The following NDST4 variants were observed in gnomAD, a reference collection of about 807,000 sequenced individuals.
NDST4 encodes the protein N-heparan sulfate sulfotransferase 4.
NDST4 carries 63 observed loss-of-function variants against 100.8 expected under a neutral mutation model. The ratio of observed to expected loss-of-function variants is 0.62; its 90% confidence interval spans 0.51 to 0.77. The LOEUF (loss-of-function observed/expected upper bound fraction) is 0.77, where lower values mean the gene tolerates loss of function less well. Ranked by LOEUF, NDST4 falls within the 30% of genes least tolerant of loss-of-function variation. The pLI, the probability that NDST4 is intolerant of heterozygous loss-of-function variation, is 0.00. For missense variants in NDST4, 943 were observed against 1,018.4 expected, an observed-to-expected ratio of 0.93 and a Z score of 1.01; for synonymous variants, 377 against 361.8, an observed-to-expected ratio of 1.04 and a Z score of -0.48.
At chr4:115,100,317 T>C (rs1729705557) in intron 1 of NDST4, among the ~76,000 whole-genome samples, 1 of 152,096 alleles carries the variant, frequency 6.6e-6, no homozygotes, top group South Asian at 2.1e-4. Context: ...TGTGCCCTGA[T>C]GTAATCTGTG....
At chr4:114,852,895 G>A (rs1723708389) in intron 7 of NDST4, 74 bp from the exon 8 acceptor site, 1 of 1,053,972 alleles carries the variant, frequency 9.5e-7, no homozygotes, top group Non-Finnish European at 1.4e-6. Flanking sequence ...TTGTTCAAAA[G>A]ATGGAATCAA....
In NDST4 at chr4:114,911,702, G is replaced by A. The variant is rs566528882; in HGVS notation, c.1536+23504C>T. 1.7e-4 allele frequency among the ~76,000 whole-genome samples: 26 copies of A among 152,146 alleles called. 1 individual carries two copies. Among genetic ancestry groups the A allele is most frequent in the South Asian group, 8.3e-4 (4 of 4,812 alleles). On this transcript the variant is annotated intron_variant, in intron 6 of 13. Coordinates refer to ENST00000264363, the MANE Select transcript of NDST4 (RefSeq NM_022569.3). Reference sequence around the variant, plus strand: ...AGGAAGAAAATCATGAAAATATCGCGGGTATTGGGTATTTTTTCCTTTAAA... The same window carrying A: ...AGGAAGAAAATCATGAAAATATCGCAGGTATTGGGTATTTTTTCCTTTAAA...
intron 2 of NDST4, among the ~76,000 whole-genome samples, chr4:115,012,217 A>G (rs1727565271): frequency 6.6e-6 from 1 of 152,068 alleles, no homozygotes. Context: ...TAACCTAGAT[A>G]TCATACCTAT....
At chr4:114,935,483 G>A (rs1725609353) in intron 5 of NDST4, 149 bp from the exon 6 acceptor site, 4 of 635,688 alleles carry the variant, frequency 6.3e-6, no homozygotes, top group Non-Finnish European at 9.6e-6. Context: ...ACAAGTTGAT[G>A]TTGGTGCAAT....
chr4:115,020,657 CTATACATCTGAAAA>C (rs1377518926), intron 2 of NDST4, among the ~76,000 whole-genome samples: 1 of 151,946 alleles, frequency 6.6e-6, no homozygotes, highest in Non-Finnish European at 1.5e-5. Context: ...GTCTATACAT[CTATACATCTGAAAA>C]AGGACTAATA....
At position 115,057,002 on chromosome 4, in the gene NDST4, T is replaced by C. The variant is rs1728709162; in HGVS notation, c.978+19057A>G. 2.6e-5 allele frequency among the ~76,000 whole-genome samples: 4 copies of C among 152,202 alleles called. No homozygotes were observed. In the South Asian group the frequency reaches 8.3e-4, roughly 31 times the overall value. On this transcript the variant is annotated intron_variant, in intron 2 of 13. Coordinates refer to ENST00000264363, the MANE Select transcript of NDST4 (RefSeq NM_022569.3). ...TTCACTTTGTTGGATTTTTTCTTTC[T>C]ACTTCTCTTTCACACATTTCCCCAA... is the stretch of plus-strand genomic sequence containing the variant.
At chr4:115,059,396 A>G (rs1370515301) in intron 2 of NDST4, among the ~76,000 whole-genome samples, 1 of 152,062 alleles carries the variant, frequency 6.6e-6, no homozygotes, top group Admixed American at 6.6e-5. Flanking sequence ...CTTCATATGG[A>G]AAAGGGTTTC....
Position 114,870,907 on chromosome 4 carries a change from C to T in NDST4, c.1580G>A (p.Arg527His), listed in dbSNP as rs778684986. ...GTTCACAAAGGTATATAACCCTAGG[C>T]GGTCATTTCCATAGTTTGATAAATG... is the stretch of plus-strand genomic sequence containing the variant. ...MTHLSNYGND[R>H]LGLYTFVNLV... The change falls in exon 7 of 14, where the codon CGC becomes CAC. Residue 527 changes from arginine (R) to histidine (H), a missense_variant. Arg to His is a conservative substitution (Grantham distance 29). This residue lies in a region of NDST4 where 526 missense variants were observed against 634.1 expected (regional missense o/e 0.83). Coordinates refer to ENST00000264363, the MANE Select transcript of NDST4 (RefSeq NM_022569.3). 68 of 1,610,136 alleles carry T rather than the reference C, an allele frequency of 4.2e-5. No individual in the cohort carries two copies. Among genetic ancestry groups the T allele is most frequent in the African/African-American group, 9.4e-5 (7 of 74,548 alleles).
intron 3 of NDST4, among the ~76,000 whole-genome samples, chr4:114,975,430 T>A (rs1726610970): frequency 6.6e-6 from 1 of 152,136 alleles, no homozygotes; most frequent in African/African-American, 2.4e-5. Flanking sequence ...AAAGAGTCAA[T>A]AATGCCTGCT....
intron 6 of NDST4, among the ~76,000 whole-genome samples, chr4:114,912,499 G>C (rs1359708466): frequency 6.6e-6 from 1 of 152,178 alleles, no homozygotes; most frequent in Admixed American, 6.5e-5. Flanking sequence ...TTGTAGTACA[G>C]CTTGTCATGT....
chr4:114,883,900 C>T (rs1724424190), intron 6 of NDST4, among the ~76,000 whole-genome samples: 1 of 152,032 alleles, frequency 6.6e-6, no homozygotes, highest in Non-Finnish European at 1.5e-5. Context: ...CTAATGCCAC[C>T]GCTGATCTGA....
intron 1 of NDST4, among the ~76,000 whole-genome samples, chr4:115,082,408 C>A (rs942026441): frequency 6.6e-6 from 1 of 152,042 alleles, no homozygotes; most frequent in African/African-American, 2.4e-5. Context: ...AGTTAGTAAA[C>A]AAAGCAATTA....
rs114599425 is a variant in NDST4 at position 114,911,560 on chromosome 4, G to C, written c.1536+23646C>G. Among the ~76,000 whole-genome samples, 1,130 of 152,180 alleles carry C rather than the reference G, an allele frequency of 7.4e-3. 16 individuals are homozygous for C. Among genetic ancestry groups the C allele is most frequent in the African/African-American group, 0.025 (1,037 of 41,522 alleles). ...TGTCTCTGTACCTAGGGCCTACTTG[G>C]AAGAAAATCCATGCTCAGTAAAAAC... On this transcript the variant is annotated intron_variant, in intron 6 of 13. Transcript: ENST00000264363.
intron 2 of NDST4, among the ~76,000 whole-genome samples, chr4:115,022,082 C>T (rs185507942): frequency 3.3e-5 from 5 of 151,622 alleles, no homozygotes; most frequent in South Asian, 2.1e-4. Flanking sequence ...CGTCTATACA[C>T]GTTCCATATA....
intron 6 of NDST4, among the ~76,000 whole-genome samples, chr4:114,872,142 C>T (rs1383421823): frequency 1.3e-5 from 2 of 151,908 alleles, no homozygotes; most frequent in African/African-American, 2.4e-5. Context: ...AGATACTAGC[C>T]ATGCAATAAA....
intron 2 of NDST4, among the ~76,000 whole-genome samples, chr4:115,007,504 G>A (rs61521935): frequency 0.033 from 5,082 of 152,194 alleles, 293 homozygotes; most frequent in African/African-American, 0.12. Flanking sequence ...GATACATGTG[G>A]ATTAAGAAAG....
At chr4:115,079,797 A>G (rs539528284) in intron 1 of NDST4, among the ~76,000 whole-genome samples, 6 of 152,186 alleles carry the variant, frequency 3.9e-5, no homozygotes, top group Non-Finnish European at 8.8e-5. Flanking sequence ...ATAGTTAAAC[A>G]TTGCAAAATT....
chr4:115,056,709 G>GA (rs1234372725), intron 2 of NDST4, among the ~76,000 whole-genome samples: 4 of 152,068 alleles, frequency 2.6e-5, no homozygotes, highest in Admixed American at 1.3e-4. Flanking sequence ...GTCATGCTCA[G>GA]AAAAAAATAT....
intron 1 of NDST4, among the ~76,000 whole-genome samples, chr4:115,097,607 A>G: frequency 6.6e-6 from 1 of 152,228 alleles, no homozygotes; most frequent in South Asian, 2.1e-4. Flanking sequence ...TGGACTATTG[A>G]AATTTCTTTC....
Sources: gnomAD v4.1 joint callset for allele counts (sites outside exome capture counted in the v4.1 genomes callset) on GRCh38, gnomAD v4.1.1 for gene constraint, gnomAD v4.1.1 regional missense constraint, MANE v1.5 for transcripts, NCBI Gene and HGNC (gene_info 2026-07-23, HGNC 2026-07-21) for gene names.